TM4SF20: variants seen among roughly 807,000 people sequenced by gnomAD.
TM4SF20 encodes the protein transmembrane 4 L six family member 20.
Under a neutral mutation model 15.1 loss-of-function variants are expected in TM4SF20, and 13 were observed. That is an observed-to-expected ratio of 0.86 (90% confidence interval 0.56 to 1.36). The LOEUF (loss-of-function observed/expected upper bound fraction) is 1.36, where lower values mean the gene tolerates loss of function less well. TM4SF20 is among the 40% of genes most tolerant of loss of function. The pLI, the probability that TM4SF20 is intolerant of heterozygous loss-of-function variation, is 0.00. For synonymous variants in TM4SF20, 92 were observed against 96.6 expected, an observed-to-expected ratio of 0.95 and a Z score of 0.28; for missense variants, 282 against 268.4, an observed-to-expected ratio of 1.05 and a Z score of -0.35.
At chr2:227,368,856 C>G (rs187340947) in intron 2 of TM4SF20, among the ~76,000 whole-genome samples, 8 of 152,358 alleles carry the variant, frequency 5.3e-5, no homozygotes, top group Admixed American at 4.6e-4. Flanking sequence ...CCTTGGTCAA[C>G]CCTTTCCCTT....
At chr2:227,371,053 T>G (rs2076419319) in intron 1 of TM4SF20, 73 bp from the exon 2 acceptor site, 1 of 1,259,068 alleles carries the variant, frequency 7.9e-7, no homozygotes, top group African/African-American at 1.5e-5. Flanking sequence ...ATCTTCACCT[T>G]CCGTTTACCA....
At chr2:227,365,368 G>A (rs1008809312) in intron 3 of TM4SF20, among the ~76,000 whole-genome samples, 2 of 152,208 alleles carry the variant, frequency 1.3e-5, no homozygotes, top group East Asian at 1.9e-4. Context: ...TATACAGAGA[G>A]GTAATGGATT....
intron 1 of TM4SF20, among the ~76,000 whole-genome samples, chr2:227,374,162 T>G (rs2076435333): frequency 6.6e-6 from 1 of 151,988 alleles, no homozygotes; most frequent in Non-Finnish European, 1.5e-5. Flanking sequence ...TTTTCCTTGT[T>G]GATGCAAACT....
rs781758068 is a variant in TM4SF20, at chr2:227,363,681, A to G, written c.*43T>C. ...ACTTTGAAAACAAGTGTACTTCTCA[A>G]ATTAATTCAAACTACTGATACTTAC... On this transcript the variant is annotated 3_prime_UTR_variant, in exon 4 of 4. Coordinates refer to ENST00000304568, the MANE Select transcript of TM4SF20 (RefSeq NM_024795.4). 4 of 1,552,984 alleles carry G rather than the reference A, an allele frequency of 2.6e-6. No homozygotes were observed. The highest frequency in any genetic ancestry group is 3.5e-6 in the Non-Finnish European group (4 of 1,150,312).
At chr2:227,368,334 T>C (rs2076403333) in intron 2 of TM4SF20, among the ~76,000 whole-genome samples, 1 of 94,846 alleles carries the variant, frequency 1.1e-5, no homozygotes, top group Non-Finnish European at 2.0e-5. Context: ...CCATCTATTA[T>C]TTATATATAT....
Position 227,363,706 on chromosome 2 carries a change from C to G in TM4SF20, c.*18G>C, listed in dbSNP as rs1297419938. On this transcript the variant is annotated 3_prime_UTR_variant, in exon 4 of 4. Transcript: ENST00000304568. ...AATTAATTCAAACTACTGATACTTA[C>G]ATTTTATTCCCATTAAACTACACAA... The G allele has an allele frequency of 1.3e-6, 2 of 1,594,316 alleles. No individual in the cohort carries two copies. Among genetic ancestry groups the G allele is most frequent in the Admixed American group, 1.8e-5 (1 of 56,888 alleles).
chr2:227,363,598 T>C lies in TM4SF20; in HGVS notation c.*126A>G, dbSNP rs747500763. 1.0e-5 allele frequency: 9 copies of C among 890,032 alleles called. No individual in the cohort carries two copies. The highest frequency in any genetic ancestry group is 5.1e-5 in the African/African-American group (3 of 59,066). The allele number at this position is 890,032 out of a possible 1,614,324, so 55.1% of individuals were successfully genotyped here. Reference sequence around the variant, plus strand: ...ATCAACCACTGATATGAGAGTGTTATGCATTTACAACGTGCTTTCTACGTG... The same window carrying C: ...ATCAACCACTGATATGAGAGTGTTACGCATTTACAACGTGCTTTCTACGTG... On this transcript the variant is annotated 3_prime_UTR_variant, in exon 4 of 4. Transcript: ENST00000304568.
intron 2 of TM4SF20, among the ~76,000 whole-genome samples, chr2:227,366,712 CTG>C (rs1435473222): frequency 1.6e-4 from 10 of 61,866 alleles, no homozygotes; most frequent in African/African-American, 5.7e-4. Context: ...GAGCAAGACT[CTG>C]TCAAAAAAAA....
rs1479943681 is a variant in TM4SF20, at chr2:227,363,411, G to C, written c.*313C>G. Reference sequence around the variant, plus strand: ...GTACTCCAGCCTTTTTTGAGACCCTGTCTCAAAAAAAAAAAAAAAAAGTCC... The same window carrying C: ...GTACTCCAGCCTTTTTTGAGACCCTCTCTCAAAAAAAAAAAAAAAAAGTCC... On this transcript the variant is annotated 3_prime_UTR_variant, in exon 4 of 4. Transcript: ENST00000304568. 3.8e-5 allele frequency: 7 copies of C among 182,682 alleles called. No individual in the cohort carries two copies. Among genetic ancestry groups the C allele is most frequent in the African/African-American group, 2.8e-4 (7 of 24,994 alleles). The allele number at this position is 182,682 out of a possible 1,614,324, so 11.3% of individuals were successfully genotyped here.
upstream of TM4SF20, among the ~76,000 whole-genome samples, chr2:227,380,639 A>T (rs1384958926): frequency 6.6e-6 from 1 of 152,212 alleles, no homozygotes; most frequent in African/African-American, 2.4e-5. Flanking sequence ...TCTAGGAGAA[A>T]AGATTGGGAC....
At position 227,379,094 on chromosome 2, in the gene TM4SF20, C is replaced by T. The variant is rs780969478; in HGVS notation, c.175G>A (p.Gly59Ser). 8.7e-6 allele frequency: 14 copies of T among 1,613,948 alleles called. No homozygotes were observed. Among genetic ancestry groups the T allele is most frequent in the Middle Eastern group, 1.6e-4 (1 of 6,084 alleles). ...AAATAAATATCACTCACCATCAGAC[C>T]TGCTCCTATAATTCCTGGGAACCAC... is the stretch of plus-strand genomic sequence containing the variant. ...EWWFPGIIGAGLMAIPATTMS... is the reference protein window; with the variant it reads ...EWWFPGIIGASLMAIPATTMS... The change falls in exon 1 of 4, where the codon GGT becomes AGT. Residue 59 changes from glycine to serine, a missense_variant. Gly to Ser is a moderately conservative substitution (Grantham distance 56). Coordinates refer to ENST00000304568, the MANE Select transcript of TM4SF20 (RefSeq NM_024795.4).
intron 2 of TM4SF20, 131 bp downstream of exon 2, chr2:227,370,784 T>A: frequency 1.3e-6 from 1 of 763,818 alleles, no homozygotes; most frequent in African/African-American, 1.7e-5. Context: ...AATAGCATGT[T>A]TCTAAGGCTG....
chr2:227,380,411 G>T (rs1302182269), upstream of TM4SF20, among the ~76,000 whole-genome samples: 1 of 152,204 alleles, frequency 6.6e-6, no homozygotes, highest in Non-Finnish European at 1.5e-5. Flanking sequence ...GTTACTGAAA[G>T]ACCTAGACTT....
At position 227,364,514 on chromosome 2, in the gene TM4SF20, G is replaced by A. The variant is rs114302653; in HGVS notation, c.402-502C>T. ...TTAAAGTGATGTGCCTGTTCTTAACGGGGCTGTGGAAAATGAGAAACTTTT... is the reference window on the plus strand; with the variant it reads ...TTAAAGTGATGTGCCTGTTCTTAACAGGGCTGTGGAAAATGAGAAACTTTT... On this transcript the variant is annotated intron_variant, in intron 3 of 3. Coordinates refer to ENST00000304568, the MANE Select transcript of TM4SF20 (RefSeq NM_024795.4). 4.6e-3 allele frequency among the ~76,000 whole-genome samples: 702 copies of A among 152,098 alleles called. 7 individuals are homozygous for A. The highest frequency in any genetic ancestry group is 0.016 in the African/African-American group (654 of 41,482).
chr2:227,365,701 A>C (rs961965291), intron 3 of TM4SF20, among the ~76,000 whole-genome samples: 1 of 152,228 alleles, frequency 6.6e-6, no homozygotes, highest in Admixed American at 6.5e-5. Flanking sequence ...AAGTGTAGAA[A>C]GTAAATGTTC....
intron 2 of TM4SF20, 29 bp from the exon 3 acceptor site, chr2:227,366,273 A>G (rs1575021657): frequency 6.3e-7 from 1 of 1,594,700 alleles, no homozygotes; most frequent in Non-Finnish European, 8.6e-7. Flanking sequence ...CCATTTGCAC[A>G]TGTTATGACA....
upstream of TM4SF20, among the ~76,000 whole-genome samples, chr2:227,381,094 G>A (rs2076477899): frequency 6.6e-6 from 1 of 152,038 alleles, no homozygotes; most frequent in South Asian, 2.1e-4. Context: ...GGCCAATATG[G>A]CAAAACCCTG....
upstream of TM4SF20, chr2:227,381,472 T>C (rs2076479665): frequency 6.6e-6 from 1 of 152,038 alleles, no homozygotes; most frequent in African/African-American, 2.4e-5. Context: ...AATTAATAAC[T>C]AAAATTTACC....
chr2:227,379,987 C>T (rs2076472041), upstream of TM4SF20, among the ~76,000 whole-genome samples: 1 of 152,250 alleles, frequency 6.6e-6, no homozygotes. Flanking sequence ...TCTCCACTAG[C>T]TGGTGAGCTC....
Sources: allele counts gnomAD v4.1 joint callset (sites outside exome capture counted in the v4.1 genomes callset), GRCh38; gene constraint gnomAD v4.1.1; transcripts MANE v1.5; gene names NCBI Gene and HGNC (gene_info 2026-07-23, HGNC 2026-07-21).